NPR3: variants seen among roughly 807,000 people sequenced by gnomAD.
NPR3 encodes the protein atrial natriuretic peptide receptor 3.
In NPR3, 34 loss-of-function variants were observed where a neutral mutation model predicts 54.5. The ratio of observed to expected loss-of-function variants is 0.62; its 90% CI spans 0.47 to 0.83. NPR3 has a LOEUF of 0.83. Among genes scored for constraint, NPR3 ranks in the 40% least tolerant of loss-of-function variants. The probability of loss-of-function intolerance (pLI) is 0.00; values close to 1 mark genes in which losing one functional copy is unlikely to be tolerated. For synonymous variants in NPR3, 289 were observed against 297.1 expected (o/e 0.97, Z 0.28); for missense variants, 674 against 720.8 (o/e 0.94, Z 0.74).
chr5:32,770,008 T>C (rs750977509), intron 3 of NPR3, among the ~76,000 whole-genome samples: 2 of 152,282 alleles, frequency 1.3e-5, no homozygotes, highest in South Asian at 4.1e-4. Context: ...TCTATTCAGC[T>C]CTCCCCATGA....
At chr5:32,773,658 C>T (rs764369240) in intron 3 of NPR3, among the ~76,000 whole-genome samples, 7 of 152,128 alleles carry the variant, frequency 4.6e-5, no homozygotes, top group Non-Finnish European at 8.8e-5. Context: ...CCCTCTTGCC[C>T]GCCCTTCTCC....
In NPR3 at chr5:32,736,007, G is replaced by T. The variant is rs190901198; in HGVS notation, c.893-2857G>T. On this transcript the variant is annotated intron_variant, in intron 2 of 7. Coordinates refer to ENST00000265074, the MANE Select transcript of NPR3 (RefSeq NM_001204375.2). ...ACACTTTGGGAGGCCGAGGCAGGTG[G>T]ATCACTTGAGGTCAGGAGTTTGAAA... 5.4e-3 allele frequency among the ~76,000 whole-genome samples: 816 copies of T among 152,152 alleles called. 5 individuals carry two copies. The highest frequency in any genetic ancestry group is 6.4e-3 in the Non-Finnish European group (433 of 67,990).
chr5:32,714,295 G>A (rs898366475), intron 1 of NPR3, among the ~76,000 whole-genome samples: 1 of 152,172 alleles, frequency 6.6e-6, no homozygotes, highest in Non-Finnish European at 1.5e-5. Context: ...ACAAAACCAA[G>A]GGCATGTGTG....
intron 3 of NPR3, among the ~76,000 whole-genome samples, chr5:32,765,998 A>T (rs1302998082): frequency 6.6e-6 from 1 of 151,972 alleles, no homozygotes; most frequent in Non-Finnish European, 1.5e-5. Flanking sequence ...TTGCGGGGGG[A>T]ACTGCCTGTG....
chr5:32,701,758 G>C (rs1328892634), intron 1 of NPR3, among the ~76,000 whole-genome samples: 1 of 152,226 alleles, frequency 6.6e-6, no homozygotes, highest in Non-Finnish European at 1.5e-5. Context: ...CAGTCATGCT[G>C]TGGCTTTTGC....
At chr5:32,734,422 A>G (rs1041018863) in intron 2 of NPR3, among the ~76,000 whole-genome samples, 1 of 152,182 alleles carries the variant, frequency 6.6e-6, no homozygotes, top group Non-Finnish European at 1.5e-5. Flanking sequence ...TTACCCCAAC[A>G]TGGGTACCCC....
intron 1 of NPR3, among the ~76,000 whole-genome samples, chr5:32,715,789 T>A (rs977342717): frequency 3.3e-5 from 5 of 152,274 alleles, no homozygotes; most frequent in African/African-American, 1.2e-4. Context: ...AGAAGTATCC[T>A]AACGCAAATG....
chr5:32,711,359 C>T lies in NPR3; in HGVS notation c.-418C>T. ...GAGATCAAATGCGAGGGAGATGCAC[C>T]GTCAATTACAAACACTTGGACAAGT... On this transcript the variant is annotated 5_prime_UTR_variant, in exon 1 of 8. Coordinates refer to ENST00000265074, the MANE Select transcript of NPR3 (RefSeq NM_001204375.2). The T allele has an allele frequency of 1.0e-6, 1 of 991,250 alleles. No homozygotes were observed. The highest frequency in any genetic ancestry group is 1.2e-6 in the Non-Finnish European group (1 of 834,214). The allele number at this position is 991,250 out of a possible 1,614,324, so 61.4% of individuals were successfully genotyped here.
intron 2 of NPR3, among the ~76,000 whole-genome samples, chr5:32,736,975 A>T (rs1579630708): frequency 6.6e-6 from 1 of 152,252 alleles, no homozygotes; most frequent in African/African-American, 2.4e-5. Flanking sequence ...GATTATACAG[A>T]TGCCTCTGCA....
chr5:32,783,139 C>A (rs1742428687), intron 6 of NPR3, 111 bp downstream of exon 6: 2 of 1,023,784 alleles, frequency 2.0e-6, no homozygotes, highest in East Asian at 2.7e-5. Flanking sequence ...TTTTACATTT[C>A]TTTCTCTGAT....
chr5:32,703,763 T>G (rs1204672741), intron 1 of NPR3, among the ~76,000 whole-genome samples: 1 of 152,154 alleles, frequency 6.6e-6, no homozygotes, highest in Non-Finnish European at 1.5e-5. Flanking sequence ...CCATTTCTTC[T>G]CCTCAAGTGG....
intron 4 of NPR3, among the ~76,000 whole-genome samples, chr5:32,780,372 C>T (rs1161154943): frequency 6.6e-6 from 1 of 152,124 alleles, no homozygotes; most frequent in Non-Finnish European, 1.5e-5. Context: ...AAATGTACCC[C>T]ACCTCCACTT....
chr5:32,778,456 A>G (rs1185217430), intron 4 of NPR3, among the ~76,000 whole-genome samples: 2 of 152,200 alleles, frequency 1.3e-5, no homozygotes, highest in Admixed American at 1.3e-4. Context: ...TGTCAAGGGA[A>G]AAATACTCTG....
upstream of NPR3, among the ~76,000 whole-genome samples, chr5:32,705,234 A>G (rs1737955182): frequency 6.6e-6 from 1 of 152,250 alleles, no homozygotes; most frequent in African/African-American, 2.4e-5. Context: ...TAGATAACTC[A>G]TTCTGAGAAA....
chr5:32,737,243 C>G (rs115354058), intron 2 of NPR3, among the ~76,000 whole-genome samples: 1 of 152,172 alleles, frequency 6.6e-6, no homozygotes, highest in Non-Finnish European at 1.5e-5. Context: ...TTTGTACCCC[C>G]CATAGTAAGC....
chr5:32,739,181 G>GTT (rs1253093829), intron 3 of NPR3, among the ~76,000 whole-genome samples, 151 bp downstream of exon 3: 1 of 128,460 alleles, frequency 7.8e-6, no homozygotes. Context: ...GTGTGTGTGT[G>GTT]TGTTTTTTTT....
At chr5:32,702,505 C>T (rs538754315) in intron 1 of NPR3, among the ~76,000 whole-genome samples, 47 of 147,752 alleles carry the variant, frequency 3.2e-4, no homozygotes, top group Non-Finnish European at 4.6e-4. Flanking sequence ...TGAGAACATG[C>T]GGTGTTTGGT....
At chr5:32,772,040 G>A (rs1741790140) in intron 3 of NPR3, among the ~76,000 whole-genome samples, 1 of 152,102 alleles carries the variant, frequency 6.6e-6, no homozygotes, top group South Asian at 2.1e-4. Context: ...ACTTTCTCAA[G>A]CCATAATGAC....
chr5:32,731,793 TC>T (rs1415767978), intron 2 of NPR3, among the ~76,000 whole-genome samples: 2 of 152,152 alleles, frequency 1.3e-5, no homozygotes, highest in African/African-American at 4.8e-5. Flanking sequence ...AACCAAGACG[TC>T]CAGTTGTAGT....
Sources: gnomAD v4.1 joint callset for allele counts (sites outside exome capture counted in the v4.1 genomes callset) on GRCh38, gnomAD v4.1.1 for gene constraint, MANE v1.5 for transcripts, NCBI Gene and HGNC (gene_info 2026-07-23, HGNC 2026-07-21) for gene names.